THSD4: variants seen among roughly 807,000 people sequenced by gnomAD.
THSD4 encodes the protein thrombospondin type 1 domain containing 4.
THSD4 carries 69 observed loss-of-function variants against 119.0 expected under a neutral mutation model. That is an observed-to-expected ratio of 0.58 (90% CI 0.48 to 0.71). The LOEUF (loss-of-function observed/expected upper bound fraction) is 0.71. THSD4 is among the 30% of genes least tolerant of loss of function. The probability of loss-of-function intolerance (pLI) is 0.00; values close to 1 mark genes in which losing one functional copy is unlikely to be tolerated. For missense variants in THSD4, 1,393 were observed against 1,391.1 expected, an observed-to-expected ratio of 1.00 and a Z score of -0.02; for synonymous variants, 524 against 540.4, an observed-to-expected ratio of 0.97 and a Z score of 0.42.
chr15:71,448,479 CAG>C (rs1315843061), intron 7 of THSD4, among the ~76,000 whole-genome samples: 2 of 152,188 alleles, frequency 1.3e-5, no homozygotes, highest in Non-Finnish European at 2.9e-5. Flanking sequence ...TCTTCAGAAA[CAG>C]AAACCGTATT....
chr15:71,638,870 G>A lies in THSD4; in HGVS notation c.1153-21660G>A, dbSNP rs867298408. On this transcript the variant is annotated intron_variant, in intron 7 of 17. Transcript: ENST00000261862. ...ATACAATGGTTTTTCTCTCATACTTGTTCATAAAGAGTCAGCAAGGACCCT... is the reference window on the plus strand; with the variant it reads ...ATACAATGGTTTTTCTCTCATACTTATTCATAAAGAGTCAGCAAGGACCCT... 2.6e-5 allele frequency among the ~76,000 whole-genome samples: 4 copies of A among 152,302 alleles called. 1 individual carries two copies. In the Middle Eastern group the frequency reaches 0.014, roughly 518 times the overall value.
chr15:71,470,954 C>T (rs1164110989), intron 7 of THSD4, among the ~76,000 whole-genome samples: 1 of 152,210 alleles, frequency 6.6e-6, no homozygotes, highest in Admixed American at 6.5e-5. Context: ...ATTTTAAACT[C>T]ATATATAGTT....
intron 7 of THSD4, among the ~76,000 whole-genome samples, chr15:71,455,832 T>G (rs2047331605): frequency 6.6e-6 from 1 of 152,170 alleles, no homozygotes; most frequent in Non-Finnish European, 1.5e-5. Flanking sequence ...GGCCCTAGAT[T>G]AAAGCAAGGA....
chr15:71,639,741 C>T (rs2050817341), intron 7 of THSD4, among the ~76,000 whole-genome samples: 1 of 151,836 alleles, frequency 6.6e-6, no homozygotes, highest in African/African-American at 2.4e-5. Flanking sequence ...TTTGCATAGT[C>T]CTGACTCACT....
At chr15:71,237,227 A>G (rs2044113076) in intron 4 of THSD4, among the ~76,000 whole-genome samples, 3 of 152,176 alleles carry the variant, frequency 2.0e-5, no homozygotes, top group African/African-American at 7.2e-5. Context: ...GTAAGACAGA[A>G]CAGTGGTTCT....
rs951556820 is a variant in THSD4 at position 71,304,028 on chromosome 15, A to T, written c.1015+47313A>T. On this transcript the variant is annotated intron_variant, in intron 6 of 17. Transcript: ENST00000261862. ...GAAGGACACGTCTCCAAGATAGAGC[A>T]CTAAGAGCTAATGGGCAGAACTGGC... Among the ~76,000 whole-genome samples the T allele has an allele frequency of 6.6e-5, 10 of 152,212 alleles. No individual in the cohort carries two copies. In the East Asian group the frequency reaches 1.9e-3, roughly 29 times the overall value.
intron 4 of THSD4, among the ~76,000 whole-genome samples, chr15:71,217,088 C>A (rs189776605): frequency 4.6e-5 from 7 of 152,280 alleles, no homozygotes; most frequent in African/African-American, 1.7e-4. Context: ...TGAGCCACTG[C>A]GCCTGGCCCA....
At chr15:71,531,882 T>C (rs1416450959) in intron 7 of THSD4, among the ~76,000 whole-genome samples, 3 of 152,200 alleles carry the variant, frequency 2.0e-5, no homozygotes, top group African/African-American at 7.2e-5. Context: ...AGACCAGGGC[T>C]GCATTAGAAT....
At chr15:71,406,076 TC>T (rs1267572291) in intron 6 of THSD4, among the ~76,000 whole-genome samples, 1 of 151,800 alleles carries the variant, frequency 6.6e-6, no homozygotes, top group Non-Finnish European at 1.5e-5. Flanking sequence ...ATGAGCACCG[TC>T]CCTGGCCCTC....
intron 7 of THSD4, among the ~76,000 whole-genome samples, chr15:71,482,050 C>G (rs1485208818): frequency 6.6e-6 from 1 of 152,172 alleles, no homozygotes; most frequent in African/African-American, 2.4e-5. Flanking sequence ...TCCTTCTGGC[C>G]ATAGTCTGAT....
intron 7 of THSD4, among the ~76,000 whole-genome samples, chr15:71,422,287 A>G (rs1403598502): frequency 6.6e-6 from 1 of 152,120 alleles, no homozygotes; most frequent in Non-Finnish European, 1.5e-5. Context: ...TTGCTTGTAC[A>G]CAGTCTGGGT....
chr15:71,135,863 C>T lies in THSD4; in HGVS notation c.-79-5586C>T, dbSNP rs191464904. 1.2e-3 allele frequency among the ~76,000 whole-genome samples: 189 copies of T among 152,218 alleles called. 3 individuals are homozygous for T. Among genetic ancestry groups the T allele is most frequent in the African/African-American group, 4.5e-3 (187 of 41,526 alleles). ...CCATGCTTGCCCCTTCTCCTCCTCC[C>T]CTGTTGGCTCTGAGGGCCTTATTGG... On this transcript the variant is annotated intron_variant, in intron 1 of 17. Transcript: ENST00000261862.
intron 7 of THSD4, among the ~76,000 whole-genome samples, chr15:71,592,598 A>G (rs1429792549): frequency 6.6e-6 from 1 of 151,968 alleles, no homozygotes; most frequent in African/African-American, 2.4e-5. Flanking sequence ...ACCTGTCTAT[A>G]AAAGTGAATA....
intron 6 of THSD4, among the ~76,000 whole-genome samples, chr15:71,308,287 C>T (rs1293989577): frequency 6.6e-6 from 1 of 152,204 alleles, no homozygotes; most frequent in African/African-American, 2.4e-5. Context: ...TTAGCTTTTT[C>T]TTAACCCTTC....
At chr15:71,547,329 C>T in intron 7 of THSD4, 1 of 1,538,934 alleles carries the variant, frequency 6.5e-7, no homozygotes, top group Non-Finnish European at 8.8e-7. Flanking sequence ...GGCTGGAATC[C>T]CGAGACACAA....
intron 8 of THSD4, among the ~76,000 whole-genome samples, chr15:71,678,947 T>C (rs1422677063): frequency 1.3e-5 from 2 of 152,244 alleles, no homozygotes; most frequent in East Asian, 3.8e-4. Flanking sequence ...CATTGATCAA[T>C]ATTTATTTTT....
chr15:71,240,796 TATACACAC>T (rs2044145304), intron 4 of THSD4, among the ~76,000 whole-genome samples: 1 of 98,460 alleles, frequency 1.0e-5, no homozygotes, highest in African/African-American at 4.2e-5. Context: ...TATATATGTG[TATACACAC>T]ACACACACAC....
chr15:71,375,104 G>A (rs1478230878), intron 6 of THSD4, among the ~76,000 whole-genome samples: 1 of 152,184 alleles, frequency 6.6e-6, no homozygotes, highest in Non-Finnish European at 1.5e-5. Flanking sequence ...ATTCCAGGAT[G>A]TTGCAAATGT....
At chr15:71,452,390 G>A (rs1273896122) in intron 7 of THSD4, among the ~76,000 whole-genome samples, 1 of 151,892 alleles carries the variant, frequency 6.6e-6, no homozygotes, top group African/African-American at 2.4e-5. Flanking sequence ...TGGGTATGGG[G>A]GAGGCTGCAT....
Sources: allele counts gnomAD v4.1 joint callset (sites outside exome capture counted in the v4.1 genomes callset), GRCh38; gene constraint gnomAD v4.1.1; transcripts MANE v1.5; gene names NCBI Gene and HGNC (gene_info 2026-07-23, HGNC 2026-07-21).